Variants in NKAIN3 observed in about 807,000 individuals in gnomAD.
The protein encoded by NKAIN3 is sodium/potassium-transporting ATPase subunit beta-1-interacting protein 3.
Under a neutral mutation model 30.2 loss-of-function variants are expected in NKAIN3, and 25 were observed. That is an observed-to-expected ratio of 0.83 (90% CI 0.60 to 1.16). The LOEUF (loss-of-function observed/expected upper bound fraction) is 1.16, where lower values mean the gene tolerates loss of function less well. Among genes scored for constraint, NKAIN3 ranks in the 50% most tolerant of loss-of-function variants. The probability of loss-of-function intolerance (pLI) is 0.00; values close to 1 mark genes in which losing one functional copy is unlikely to be tolerated. For synonymous variants in NKAIN3, 91 were observed against 89.6 expected (o/e 1.02, Z -0.09); for missense variants, 225 against 254.1 (o/e 0.89, Z 0.78).
intron 1 of NKAIN3, among the ~76,000 whole-genome samples, chr8:62,297,235 G>A (rs1398211864): frequency 1.3e-5 from 2 of 152,094 alleles, no homozygotes; most frequent in Non-Finnish European, 2.9e-5. Flanking sequence ...GAAAACCTAG[G>A]CATTACCATT....
intron 4 of NKAIN3, chr8:62,856,444 T>G (rs77143118): frequency 1.3e-6 from 1 of 789,214 alleles, no homozygotes; most frequent in Non-Finnish European, 2.3e-6. Flanking sequence ...GATATCTCTA[T>G]AGAATAAGGA....
downstream of NKAIN3, among the ~76,000 whole-genome samples, chr8:62,986,118 GCAA>G (rs1824193983): frequency 6.6e-6 from 1 of 152,126 alleles, no homozygotes; most frequent in Admixed American, 6.5e-5. Context: ...ACATTTCATA[GCAA>G]CAACTTAAGC....
At chr8:62,808,481 T>C (rs1818377170) in intron 4 of NKAIN3, among the ~76,000 whole-genome samples, 1 of 152,176 alleles carries the variant, frequency 6.6e-6, no homozygotes. Flanking sequence ...CAGCCCCTGA[T>C]ATTTCAACGT....
intron 1 of NKAIN3, among the ~76,000 whole-genome samples, chr8:62,411,335 G>A (rs1393780020): frequency 6.6e-6 from 1 of 152,122 alleles, no homozygotes; most frequent in Non-Finnish European, 1.5e-5. Context: ...AACAGCTTTT[G>A]ATAAAATCCA....
In NKAIN3 at chr8:62,976,251, A is replaced by C. The variant is rs1467156822; in HGVS notation, c.*10844A>C. Reference sequence around the variant, plus strand: ...TCCTGAATATCCTTGTTAATTTTCTATCTCGGTGATCTGTCTAATACACAC... The same window carrying C: ...TCCTGAATATCCTTGTTAATTTTCTCTCTCGGTGATCTGTCTAATACACAC... On this transcript the variant is annotated 3_prime_UTR_variant, in exon 7 of 7. Coordinates refer to ENST00000623646, the MANE Select transcript of NKAIN3 (RefSeq NM_001304533.3). Among the ~76,000 whole-genome samples the C allele has an allele frequency of 1.3e-5, 2 of 151,000 alleles. No homozygotes were observed. Among genetic ancestry groups the C allele is most frequent in the African/African-American group, 4.9e-5 (2 of 41,072 alleles).
chr8:62,599,107 T>C (rs1349985788), intron 3 of NKAIN3, among the ~76,000 whole-genome samples: 1 of 152,060 alleles, frequency 6.6e-6, no homozygotes, highest in East Asian at 1.9e-4. Flanking sequence ...CAACTAGTAA[T>C]GTATATTCTC....
chr8:62,485,503 A>G (rs561590268), intron 1 of NKAIN3, among the ~76,000 whole-genome samples: 1 of 152,316 alleles, frequency 6.6e-6, no homozygotes, highest in Admixed American at 6.5e-5. Context: ...CTTGAAGGTC[A>G]GTAATAGAGC....
intron 1 of NKAIN3, among the ~76,000 whole-genome samples, chr8:62,533,388 GCT>G (rs1186061137): frequency 6.6e-6 from 1 of 152,198 alleles, no homozygotes. Context: ...ATAGATTGAG[GCT>G]CTGTGTGGTG....
rs563568954 is a variant in NKAIN3, at chr8:62,907,511, G to A, written c.472-10942G>A. 2.0e-5 allele frequency among the ~76,000 whole-genome samples: 3 copies of A among 152,264 alleles called. No individual in the cohort carries two copies. In the South Asian group the frequency reaches 6.2e-4, roughly 32 times the overall value. On this transcript the variant is annotated intron_variant, in intron 4 of 6. Transcript: ENST00000623646. ...TCCAGGGCATTTCAGAGGTCTTCAT[G>A]GCAGCGCCCCCCATAACAAGCTGGT...
At chr8:62,507,213 T>G (rs1023446694) in intron 1 of NKAIN3, among the ~76,000 whole-genome samples, 2 of 152,200 alleles carry the variant, frequency 1.3e-5, no homozygotes, top group African/African-American at 4.8e-5. Context: ...TTGGAAGTTA[T>G]GAGTACAACC....
chr8:62,355,206 T>C (rs753822899), intron 1 of NKAIN3, among the ~76,000 whole-genome samples: 2 of 152,242 alleles, frequency 1.3e-5, no homozygotes, highest in Non-Finnish European at 2.9e-5. Flanking sequence ...CACATCATTA[T>C]GCTGTTTCCC....
intron 3 of NKAIN3, among the ~76,000 whole-genome samples, chr8:62,735,445 C>T (rs917108214): frequency 6.7e-6 from 1 of 149,974 alleles, no homozygotes; most frequent in African/African-American, 2.5e-5. Context: ...CTGAGACTCT[C>T]CAGTGCATTT....
chr8:62,422,277 T>A lies in NKAIN3; in HGVS notation c.55-157262T>A, dbSNP rs1220589003. Among the ~76,000 whole-genome samples the A allele has an allele frequency of 2.6e-5, 4 of 152,264 alleles. No individual in the cohort carries two copies. In the East Asian group the frequency reaches 7.7e-4, roughly 29 times the overall value. On this transcript the variant is annotated intron_variant, in intron 1 of 6. Transcript: ENST00000623646. The stretch of plus-strand genomic sequence containing the variant: ...TGAGAATTATTTCTTAATTTGATGC[T>A]GCCTTTCCTAGAAAAACAATGTGGT...
At chr8:62,634,909 G>C (rs1373079733) in intron 3 of NKAIN3, among the ~76,000 whole-genome samples, 1 of 151,878 alleles carries the variant, frequency 6.6e-6, no homozygotes, top group Non-Finnish European at 1.5e-5. Flanking sequence ...AGAAGGAGGA[G>C]AAAAAAGACA....
chr8:62,674,613 AG>A (rs1391828655), intron 3 of NKAIN3, among the ~76,000 whole-genome samples: 2 of 152,204 alleles, frequency 1.3e-5, no homozygotes, highest in African/African-American at 4.8e-5. Flanking sequence ...TGCAATTAAA[AG>A]TTTCTGGTGC....
chr8:62,394,277 C>A (rs1817662402), intron 1 of NKAIN3, among the ~76,000 whole-genome samples: 1 of 151,934 alleles, frequency 6.6e-6, no homozygotes, highest in Admixed American at 6.6e-5. Flanking sequence ...GGTGCTGAAT[C>A]TTGTTAAATG....
At chr8:62,575,397 A>C (rs1239174118) in intron 1 of NKAIN3, among the ~76,000 whole-genome samples, 2 of 152,100 alleles carry the variant, frequency 1.3e-5, no homozygotes, top group Non-Finnish European at 2.9e-5. Context: ...AATGCCTAGG[A>C]ATTAACCAAA....
chr8:62,408,488 A>C lies in NKAIN3; in HGVS notation c.54+159361A>C, dbSNP rs776245681. Among the ~76,000 whole-genome samples the C allele has an allele frequency of 2.7e-4, 41 of 152,216 alleles. 1 individual carries two copies. The highest frequency in any genetic ancestry group is 5.3e-4 in the Non-Finnish European group (36 of 68,044). ...TAAATTTAAAATTATTAATAGTATG[A>C]AAGGTTAAAAATAAACATGTTTCTT... On this transcript the variant is annotated intron_variant, in intron 1 of 6. Transcript: ENST00000623646.
chr8:62,622,224 T>C (rs1266958336), intron 3 of NKAIN3, among the ~76,000 whole-genome samples: 1 of 152,052 alleles, frequency 6.6e-6, no homozygotes, highest in East Asian at 1.9e-4. Flanking sequence ...CTTTTGGCCA[T>C]TGTGAATGAA....
Sources: allele counts gnomAD v4.1 joint callset (sites outside exome capture counted in the v4.1 genomes callset), GRCh38; gene constraint gnomAD v4.1.1; transcripts MANE v1.5; gene names NCBI Gene and HGNC (gene_info 2026-07-23, HGNC 2026-07-21).